The following SMAGP variants were observed in gnomAD, a reference collection of about 807,000 sequenced individuals.
The protein encoded by SMAGP is small cell adhesion glycoprotein, also known as small cell transmembrane and glycosylated protein.
A neutral mutation model predicts 10.1 loss-of-function variants in SMAGP; 7 were observed. The observed-to-expected ratio is 0.70, with a 90% CI of 0.40 to 1.31. SMAGP has a LOEUF of 1.31. Ranked by LOEUF, SMAGP falls within the 50% of genes most tolerant of loss-of-function variation. The pLI is 0.01. For synonymous variants in SMAGP, 49 were observed against 47.2 expected, an observed-to-expected ratio of 1.04 and a Z score of -0.16; for missense variants, 113 against 116.5, an observed-to-expected ratio of 0.97 and a Z score of 0.14.
At chr12:51,251,525 A>T (rs77284783) in intron 2 of SMAGP, 1 of 151,382 alleles carries the variant, frequency 6.6e-6, no homozygotes, top group African/African-American at 2.4e-5. Flanking sequence ...CAGGAGGTCC[A>T]GGCTGCAGTG....
chr12:51,256,084 T>C (rs1944882393), intron 2 of SMAGP, among the ~76,000 whole-genome samples: 1 of 152,176 alleles, frequency 6.6e-6, no homozygotes, highest in Non-Finnish European at 1.5e-5. Context: ...TTTTCTAATT[T>C]CCACGACAGC....
In SMAGP at chr12:51,254,545, T is replaced by A. The variant is rs144628172; in HGVS notation, c.35-7714A>T. Among the ~76,000 whole-genome samples, 44 of 147,830 alleles carry A rather than the reference T, an allele frequency of 3.0e-4. No homozygotes were observed. In the East Asian group the frequency reaches 8.1e-3, roughly 27 times the overall value. On this transcript the variant is annotated intron_variant, in intron 2 of 3. Coordinates refer to ENST00000603798, the MANE Select transcript of SMAGP (RefSeq NM_001031628.2). The stretch of plus-strand genomic sequence containing the variant: ...CTGGGTGACAGAGAGAGACTCCATC[T>A]AAAAAAAAAAGTAAAAATAAATAAT...
At chr12:51,246,269 A>G (rs1251823058) in intron 3 of SMAGP, 150 bp from the exon 4 acceptor site, 1 of 1,124,494 alleles carries the variant, frequency 8.9e-7, no homozygotes, top group African/African-American at 1.6e-5. Context: ...ATGTTCCCCC[A>G]CCAACCCCAA....
chr12:51,246,763 C>CTGT lies in SMAGP; in HGVS notation c.100_102dup (p.Thr34dup). 6.3e-7 allele frequency: 1 copy of CTGT among 1,585,658 alleles called. No individual in the cohort carries two copies. Among genetic ancestry groups the CTGT allele is most frequent in the Non-Finnish European group, 8.6e-7 (1 of 1,166,212 alleles). On this transcript the variant is annotated inframe_insertion, in exon 3 of 4. Transcript: ENST00000603798. ...CAGAGTCTATTACCTGCAATGAGTGCTGTGCTGGCTCCATCTTCTGGGGAC... is the reference window on the plus strand; with the variant it reads ...CAGAGTCTATTACCTGCAATGAGTGCTGTTGTGCTGGCTCCATCTTCTGGGGAC...
At chr12:51,250,497 TGTG>T (rs987253958) in intron 2 of SMAGP, among the ~76,000 whole-genome samples, 14 of 90,962 alleles carry the variant, frequency 1.5e-4, no homozygotes, top group African/African-American at 4.5e-4. Context: ...TTGTTGTTGT[TGTG>T]TTTTTTTTTT....
chr12:51,254,545 T>TA (rs1004241269), intron 2 of SMAGP, among the ~76,000 whole-genome samples: 16 of 147,810 alleles, frequency 1.1e-4, no homozygotes, highest in Admixed American at 2.0e-4. Flanking sequence ...AGACTCCATC[T>TA]AAAAAAAAAA....
chr12:51,258,985 A>C (rs920670350), intron 2 of SMAGP, among the ~76,000 whole-genome samples: 2 of 22,062 alleles, frequency 9.1e-5, no homozygotes, highest in Non-Finnish European at 6.0e-4. Context: ...TGTCTCTACC[A>C]AAAAAAAAAA....
chr12:51,248,091 G>A (rs1460685080), intron 2 of SMAGP, among the ~76,000 whole-genome samples: 1 of 151,272 alleles, frequency 6.6e-6, no homozygotes, highest in Non-Finnish European at 1.5e-5. Flanking sequence ...AGCGCGGTGT[G>A]AGCATGACTC....
chr12:51,249,095 A>C (rs1455684452), intron 2 of SMAGP, among the ~76,000 whole-genome samples: 1 of 151,856 alleles, frequency 6.6e-6, no homozygotes, highest in Non-Finnish European at 1.5e-5. Flanking sequence ...AAAAACAAAA[A>C]CAAAACCCCA....
chr12:51,269,228 G>A lies in SMAGP; in HGVS notation c.34+17C>T, dbSNP rs145893400. On this transcript the variant is annotated intron_variant, in intron 2 of 3. Coordinates refer to ENST00000603798, the MANE Select transcript of SMAGP (RefSeq NM_001031628.2). ...AACAATTCTTTCTCACTGGGATTAG[G>A]AAAGGCCTTCACCTACCTCTTGGAG... 1,242 of 1,613,726 alleles carry A rather than the reference G, an allele frequency of 7.7e-4. 15 individuals carry two copies. In the African/African-American group the frequency reaches 0.015, roughly 19 times the overall value.
intron 2 of SMAGP, among the ~76,000 whole-genome samples, chr12:51,254,773 A>C (rs1461993239): frequency 1.3e-5 from 2 of 152,122 alleles, no homozygotes; most frequent in Non-Finnish European, 2.9e-5. Flanking sequence ...ATTGAGGAAC[A>C]TTCCAGGCAG....
At position 51,249,809 on chromosome 12, in the gene SMAGP, G is replaced by T. The variant is rs192820833; in HGVS notation, c.35-2978C>A. On this transcript the variant is annotated intron_variant, in intron 2 of 3. Transcript: ENST00000603798. Reference sequence around the variant, plus strand: ...TTTTTGTATTTTCAGTAGAGACAGGGTTTCACCATGTTGGCCAGGCTGGTC... The same window carrying T: ...TTTTTGTATTTTCAGTAGAGACAGGTTTTCACCATGTTGGCCAGGCTGGTC... Among the ~76,000 whole-genome samples the T allele has an allele frequency of 5.3e-3, 798 of 151,760 alleles. 8 individuals are homozygous for T. Among genetic ancestry groups the T allele is most frequent in the African/African-American group, 0.018 (765 of 41,402 alleles).
At chr12:51,267,496 CTTT>C (rs5798165) in intron 2 of SMAGP, among the ~76,000 whole-genome samples, 77 of 93,390 alleles carry the variant, frequency 8.2e-4, no homozygotes, top group African/African-American at 2.5e-3. Flanking sequence ...CCCCCTAACT[CTTT>C]TTTTTTTTTT....
At chr12:51,246,724 C>T in intron 3 of SMAGP, 27 bp downstream of exon 3, 1 of 1,514,862 alleles carries the variant, frequency 6.6e-7, no homozygotes, top group Non-Finnish European at 8.9e-7. Context: ...CCAGAAGGTC[C>T]CTTGGAGTTG....
At chr12:51,261,524 G>T (rs965708906) in intron 2 of SMAGP, among the ~76,000 whole-genome samples, 1 of 152,132 alleles carries the variant, frequency 6.6e-6, no homozygotes, top group African/African-American at 2.4e-5. Flanking sequence ...GGCATGACCT[G>T]TACAAGAGAA....
In SMAGP at chr12:51,245,127, C is replaced by G. The variant is rs1944749663; in HGVS notation, c.*814G>C. On this transcript the variant is annotated 3_prime_UTR_variant, in exon 4 of 4. Transcript: ENST00000603798. ...CAGGCGTGAGCCACCGAACCCGGCC[C>G]TCCCAGGGTATGTTTCTAATGATGT... 1 of 152,184 alleles carries G rather than the reference C, an allele frequency of 6.6e-6. No individual in the cohort carries two copies. Among genetic ancestry groups the G allele is most frequent in the African/African-American group, 2.4e-5 (1 of 41,428 alleles). The allele number at this position is 152,184 out of a possible 1,614,324, so 9.4% of individuals were successfully genotyped here. A position where few individuals can be genotyped will look rare whatever the true frequency, so the allele number is the denominator to read the frequency against.
Position 51,246,253 on chromosome 12 carries a change from A to C in SMAGP, c.116-134T>G. The C allele has an allele frequency of 2.3e-6, 3 of 1,330,978 alleles. No individual in the cohort carries two copies. In the South Asian group the frequency reaches 4.6e-5, roughly 20 times the overall value. 82.4% of individuals were successfully genotyped at this position (1,330,978 alleles called of 1,614,324 possible). ...CATTAACTAGTGTCCACTTCCATCC[A>C]AACCCATGTTCCCCCACCAACCCCA... On this transcript the variant is annotated intron_variant, in intron 3 of 3. Transcript: ENST00000603798.
intron 2 of SMAGP, among the ~76,000 whole-genome samples, chr12:51,267,597 G>T (rs1944987608): frequency 2.0e-5 from 3 of 151,146 alleles, no homozygotes; most frequent in African/African-American, 7.3e-5. Context: ...GGGCTCAAGG[G>T]ATCCTCCCAC....
chr12:51,251,185 A>G (rs1250606033), intron 2 of SMAGP, among the ~76,000 whole-genome samples: 1 of 152,088 alleles, frequency 6.6e-6, no homozygotes, highest in Non-Finnish European at 1.5e-5. Flanking sequence ...TGTAATCCCA[A>G]CACTTTGGGA....
Sources: gnomAD v4.1 joint callset for allele counts (sites outside exome capture counted in the v4.1 genomes callset) on GRCh38, gnomAD v4.1.1 for gene constraint, MANE v1.5 for transcripts, NCBI Gene and HGNC (gene_info 2026-07-23, HGNC 2026-07-21) for gene names.